The following TPRN variants were observed in gnomAD, a reference collection of about 807,000 sequenced individuals.
TPRN encodes taperin.
TPRN carries 32 observed loss-of-function variants against 42.6 expected under a neutral mutation model. The observed-to-expected ratio is 0.75, with a 90% confidence interval of 0.57 to 1.01. TPRN has a LOEUF of 1.01. TPRN is among the 50% of genes least tolerant of loss of function. The pLI, the probability that TPRN is intolerant of heterozygous loss-of-function variation, is 0.00. For missense variants in TPRN, 1,095 were observed against 957.5 expected, an observed-to-expected ratio of 1.14 and a Z score of -1.90; for synonymous variants, 541 against 445.6, an observed-to-expected ratio of 1.21 and a Z score of -2.70.
intron 2 of TPRN, 28 bp downstream of exon 2, chr9:137,192,423 G>C (rs532572870): frequency 8.7e-6 from 14 of 1,609,694 alleles, no homozygotes; most frequent in Non-Finnish European, 1.1e-5. Context: ...CCCCTCCCAG[G>C]CTGCCTGTCC....
At position 137,192,488 on chromosome 9, in the gene TPRN, C is replaced by T. The variant is rs115446132; in HGVS notation, c.1929G>A (p.Val643=). 1,236 of 1,605,826 alleles carry T rather than the reference C, an allele frequency of 7.7e-4. 14 individuals are homozygous for T. In the African/African-American group the frequency reaches 0.014, roughly 19 times the overall value. ...FLPRATFVSS[V]RPESSRLPEG... is the part of the protein sequence containing the mutation. Reference sequence around the variant, plus strand: ...CTGGCAGCCGAGAGCTCTCGGGTCTCACGCTGCTCACAAACGTGGCCCGGG... The same window carrying T: ...CTGGCAGCCGAGAGCTCTCGGGTCTTACGCTGCTCACAAACGTGGCCCGGG... Residue 643 remains valine, a synonymous_variant, in exon 2 of 4, where the codon GTG becomes GTA. Coordinates refer to ENST00000409012, the MANE Select transcript of TPRN (RefSeq NM_001128228.3).
Position 137,192,473 on chromosome 9 carries a change from AG to A in TPRN, c.1943del (p.Ser648PhefsTer112). ...TFVSSVRPES[S>X]RLPEGSSGLS... ...CACCTGAGCTACCCTCTGGCAGCCGAGAGCTCTCGGGTCTCACGCTGCTCAC... is the reference window on the plus strand; with the variant it reads ...CACCTGAGCTACCCTCTGGCAGCCGAAGCTCTCGGGTCTCACGCTGCTCAC... On this transcript the variant is annotated frameshift_variant, in exon 2 of 4. Transcript: ENST00000409012. LOFTEE classifies it high-confidence loss of function. The A allele has an allele frequency of 6.2e-7, 1 of 1,606,346 alleles. No individual in the cohort carries two copies. The highest frequency in any genetic ancestry group is 8.5e-7 in the Non-Finnish European group (1 of 1,176,848).
At chr9:137,198,746 C>G (rs566645682) in intron 1 of TPRN, among the ~76,000 whole-genome samples, 1 of 152,274 alleles carries the variant, frequency 6.6e-6, no homozygotes, top group Non-Finnish European at 1.5e-5. Flanking sequence ...TCTGCCCTGT[C>G]GCTCTCCAGC....
chr9:137,198,151 C>T (rs939000946), intron 1 of TPRN, among the ~76,000 whole-genome samples: 53 of 152,346 alleles, frequency 3.5e-4, no homozygotes, highest in African/African-American at 1.2e-3. Flanking sequence ...CCAGGCGCCC[C>T]CCCTCAGTCC....
Position 137,200,680 on chromosome 9 carries a change from G to C in TPRN, c.32C>G (p.Pro11Arg), listed in dbSNP as rs1364139062. The C allele has an allele frequency of 8.2e-7, 1 of 1,226,668 alleles. No individual in the cohort carries two copies. Among genetic ancestry groups the C allele is most frequent in the South Asian group, 2.1e-5 (1 of 46,784 alleles). 76.0% of individuals were successfully genotyped at this position (1,226,668 alleles called of 1,614,324 possible). ...CTTCCAAGCGGGCACCGCAGCGCGC[G>C]GCCCCGAGCCCGGCCGCCCCAGGGC... MAALGRPGSG[P>R]RAAVPAWKRE... is the part of the protein sequence containing the mutation. The change falls in exon 1 of 4, where the codon CCG (proline) becomes CGG (arginine). Residue 11 changes from proline to arginine, a missense_variant. Transcript: ENST00000409012. This position sits in a 1 kb window ranked among gnomAD's most constrained non-coding sequence, Gnocchi z 4.3.
intron 1 of TPRN, among the ~76,000 whole-genome samples, chr9:137,198,092 G>A (rs986981208): frequency 6.6e-6 from 1 of 152,150 alleles, no homozygotes; most frequent in Non-Finnish European, 1.5e-5. Flanking sequence ...AGCCTAGCCA[G>A]CAATGGCTCT....
intron 2 of TPRN, 38 bp from the exon 3 acceptor site, chr9:137,192,403 C>T: frequency 6.2e-7 from 1 of 1,612,042 alleles, no homozygotes; most frequent in South Asian, 1.1e-5. Context: ...TGGACACAGA[C>T]CAGGCTCCAC....
chr9:137,192,902 C>A, intron 1 of TPRN: 1 of 600,798 alleles, frequency 1.7e-6, no homozygotes, highest in Admixed American at 3.0e-5. Flanking sequence ...ACCTCCCCTC[C>A]CCATTCCAGC....
chr9:137,193,113 C>T (rs1834651414), intron 1 of TPRN: 1 of 225,514 alleles, frequency 4.4e-6, no homozygotes, highest in Middle Eastern at 1.7e-3. Flanking sequence ...AAGAGGCTGT[C>T]CCCTCAGGGG....
At chr9:137,194,290 G>A (rs1302812022) in intron 1 of TPRN, 1 of 152,352 alleles carries the variant, frequency 6.6e-6, no homozygotes, top group African/African-American at 2.4e-5. Context: ...AGACCTCACA[G>A]GCACCCACCC....
At position 137,200,581 on chromosome 9, in the gene TPRN, G is replaced by A; in HGVS notation, c.131C>T (p.Pro44Leu). 8.7e-7 allele frequency: 1 copy of A among 1,151,028 alleles called. No individual in the cohort carries two copies. Among genetic ancestry groups the A allele is most frequent in the Admixed American group, 4.9e-5 (1 of 20,412 alleles). 71.3% of individuals were successfully genotyped at this position (1,151,028 alleles called of 1,614,324 possible). Residue 44 changes from proline (P) to leucine (L), a missense_variant, in exon 1 of 4, where the codon CCC becomes CTC. Physicochemically the swap from Pro to Leu is moderately conservative, Grantham distance 98. Coordinates refer to ENST00000409012, the MANE Select transcript of TPRN (RefSeq NM_001128228.3). The surrounding 1 kb of genome is among the most constrained non-coding windows in gnomAD (Gnocchi z 4.3). Reference protein sequence around the residue: ...GGGAGPGAAEPEQRVLAESLG... With the variant: ...GGGAGPGAAELEQRVLAESLG... Reference sequence around the variant, plus strand: ...GCTCTCGGCCAGCACCCGCTGCTCGGGCTCCGCCGCCCCGGGCCCCGCGCC... The same window carrying A: ...GCTCTCGGCCAGCACCCGCTGCTCGAGCTCCGCCGCCCCGGGCCCCGCGCC...
chr9:137,191,879 A>G lies in TPRN; in HGVS notation c.*233T>C. The G allele has an allele frequency of 3.3e-6, 2 of 606,600 alleles. No individual in the cohort carries two copies. Among genetic ancestry groups the G allele is most frequent in the Non-Finnish European group, 5.9e-6 (2 of 336,810 alleles). 37.6% of individuals were successfully genotyped at this position (606,600 alleles called of 1,614,324 possible). ...CAGCAGGCCCCTGGCACTCACCCAC[A>G]GGCAGTTCCCCACCCCACTTCCCCC... is the stretch of plus-strand genomic sequence containing the variant. On this transcript the variant is annotated 3_prime_UTR_variant, in exon 4 of 4. Transcript: ENST00000409012.
In TPRN at chr9:137,192,562, C is replaced by T. The variant is rs776444297; in HGVS notation, c.1855G>A (p.Glu619Lys). The change falls in exon 2 of 4, where the codon GAG becomes AAG. Residue 619 changes from glutamate to lysine, a missense_variant. Coordinates refer to ENST00000409012, the MANE Select transcript of TPRN (RefSeq NM_001128228.3). Reference sequence around the variant, plus strand: ...TCCTCTGAGCCGGATCCCTCTTCCTCCTCTTCCTCTTCCTCCTCCTCCTCC... The same window carrying T: ...TCCTCTGAGCCGGATCCCTCTTCCTTCTCTTCCTCTTCCTCCTCCTCCTCC... ...EEEEEEEEEE[E>K]EEGSGSEEKP... 5 of 1,611,220 alleles carry T rather than the reference C, an allele frequency of 3.1e-6. No individual in the cohort carries two copies. The highest frequency in any genetic ancestry group is 1.6e-4 in the Middle Eastern group (1 of 6,076).
Position 137,200,396 on chromosome 9 carries a change from A to G in TPRN, c.316T>C (p.Phe106Leu). The change falls in exon 1 of 4, where the codon TTC becomes CTC. Residue 106 changes from phenylalanine (F) to leucine (L), a missense_variant. Physicochemically the swap from Phe to Leu is conservative, Grantham distance 22. Coordinates refer to ENST00000409012, the MANE Select transcript of TPRN (RefSeq NM_001128228.3). This position sits in a 1 kb window ranked among gnomAD's most constrained non-coding sequence, Gnocchi z 4.3. ...CCCGGGGCGGGCGGCGCGGGCGGGA[A>G]GCCGGGCACCGTCTCGATGATGAGG... Reference protein sequence around the residue: ...SVLIIETVPGFPPAPPAPGAA... With the variant: ...SVLIIETVPGLPPAPPAPGAA... 3 of 1,097,834 alleles carry G rather than the reference A, an allele frequency of 2.7e-6. No homozygotes were observed. The highest frequency in any genetic ancestry group is 7.6e-5 in the East Asian group (1 of 13,184). 68.0% of individuals were successfully genotyped at this position (1,097,834 alleles called of 1,614,324 possible). A position where few individuals can be genotyped will look rare whatever the true frequency, so the allele number is the denominator to read the frequency against.
Position 137,200,443 on chromosome 9 carries a change from C to T in TPRN, c.269G>A (p.Arg90His), listed in dbSNP as rs1834790249. 8.9e-7 allele frequency: 1 copy of T among 1,121,978 alleles called. No individual in the cohort carries two copies. Among genetic ancestry groups the T allele is most frequent in the Non-Finnish European group, 1.1e-6 (1 of 916,018 alleles). The allele number at this position is 1,121,978 out of a possible 1,614,324, so 69.5% of individuals were successfully genotyped here. ...LERYRRVPGV[R>H]ALRADSVLII... ...GAGGACGCTGTCGGCGCGGAGGGCGCGCACGCCAGGCACGCGGCGGTACCG... is the reference window on the plus strand; with the variant it reads ...GAGGACGCTGTCGGCGCGGAGGGCGTGCACGCCAGGCACGCGGCGGTACCG... The change falls in exon 1 of 4, where the codon CGC (arginine) becomes CAC (histidine). Residue 90 changes from arginine to histidine, a missense_variant. By Grantham distance (29) the Arg-to-His change is conservative. Transcript: ENST00000409012. The surrounding 1 kb of genome is among the most constrained non-coding windows in gnomAD (Gnocchi z 4.3).
Position 137,199,168 on chromosome 9 carries a change from T to G in TPRN, c.1544A>C (p.Gln515Pro), listed in dbSNP as rs1420722154. ...CTCCCTGTTGGCCTGACTGAAGTGCTGGTCCTGCAGAGTCCCTGGCTTCCT... is the reference window on the plus strand; with the variant it reads ...CTCCCTGTTGGCCTGACTGAAGTGCGGGTCCTGCAGAGTCCCTGGCTTCCT... ...PKRKPGTLQD[Q>P]HFSQANREPR... Residue 515 changes from glutamine to proline, a missense_variant, in exon 1 of 4, where the codon CAG becomes CCG. Gln to Pro is a moderately conservative substitution (Grantham distance 76). Coordinates refer to ENST00000409012, the MANE Select transcript of TPRN (RefSeq NM_001128228.3). 1.2e-6 allele frequency: 2 copies of G among 1,613,248 alleles called. No homozygotes were observed.
intron 1 of TPRN, among the ~76,000 whole-genome samples, chr9:137,197,130 ACT>A (rs1834716933): frequency 6.6e-6 from 1 of 151,394 alleles, no homozygotes; most frequent in South Asian, 2.1e-4. Context: ...ACAGAGTCTC[ACT>A]CTGTCGCCCA....
chr9:137,199,847 C>T lies in TPRN; in HGVS notation c.865G>A (p.Ala289Thr). 7.1e-7 allele frequency: 1 copy of T among 1,415,204 alleles called. No individual in the cohort carries two copies. The highest frequency in any genetic ancestry group is 1.2e-5 in the South Asian group (1 of 83,822). The allele number at this position is 1,415,204 out of a possible 1,614,324, so 87.7% of individuals were successfully genotyped here. A position where few individuals can be genotyped will look rare whatever the true frequency, so the allele number is the denominator to read the frequency against. The change falls in exon 1 of 4, where the codon GCA becomes ACA. Residue 289 changes from alanine to threonine, a missense_variant. Physicochemically the swap from Ala to Thr is moderately conservative, Grantham distance 58. Transcript: ENST00000409012. Reference sequence around the variant, plus strand: ...AAGGAGTCGTTGGTGCTGGTGGCTGCGGAGACGCACTGGCGCTGGCTAGGA... The same window carrying T: ...AAGGAGTCGTTGGTGCTGGTGGCTGTGGAGACGCACTGGCGCTGGCTAGGA... ...ATPSQRQCVS[A>T]ATSTNDSFEI...
chr9:137,198,883 T>C (rs977853354), intron 1 of TPRN, 104 bp downstream of exon 1: 1 of 1,589,342 alleles, frequency 6.3e-7, no homozygotes, highest in Non-Finnish European at 8.5e-7. Context: ...AAACCATCCT[T>C]TGCCCAGGCC....
Sources: allele counts gnomAD v4.1 joint callset (sites outside exome capture counted in the v4.1 genomes callset), GRCh38; gene constraint gnomAD v4.1.1; non-coding constraint Gnocchi (gnomAD v3.1); transcripts MANE v1.5; gene names NCBI Gene and HGNC (gene_info 2026-07-23, HGNC 2026-07-21).